Variants in GAREM1 observed in about 807,000 individuals in gnomAD.
GAREM1 encodes GRB2-associated and regulator of MAPK protein 1.
In GAREM1, 26 loss-of-function variants were observed where a neutral mutation model predicts 71.3. The observed-to-expected ratio is 0.36, with a 90% CI of 0.27 to 0.51. The LOEUF (loss-of-function observed/expected upper bound fraction) is 0.51, where lower values mean the gene tolerates loss of function less well. Ranked by LOEUF, GAREM1 falls within the 20% of genes least tolerant of loss-of-function variation. The pLI, the probability that GAREM1 is intolerant of heterozygous loss-of-function variation, is 0.95. For synonymous variants in GAREM1, 440 were observed against 433.2 expected, an observed-to-expected ratio of 1.02 and a Z score of -0.20; for missense variants, 1,026 against 1,103.1, an observed-to-expected ratio of 0.93 and a Z score of 0.99.
intron 2 of GAREM1, among the ~76,000 whole-genome samples, chr18:32,354,663 C>T (rs903627872): frequency 1.3e-5 from 2 of 152,216 alleles, no homozygotes; most frequent in Admixed American, 6.5e-5. Flanking sequence ...GTGGGGTCAA[C>T]TCCCTCCACT....
intron 1 of GAREM1, among the ~76,000 whole-genome samples, chr18:32,404,790 T>C (rs1052929488): frequency 6.6e-6 from 1 of 152,236 alleles, no homozygotes; most frequent in Admixed American, 6.5e-5. Context: ...AAGCCTTGTC[T>C]ATAGTGGACA....
At chr18:32,398,882 C>A (rs575406645) in intron 1 of GAREM1, among the ~76,000 whole-genome samples, 2 of 152,172 alleles carry the variant, frequency 1.3e-5, no homozygotes, top group East Asian at 3.8e-4. Flanking sequence ...AATTTTAGAC[C>A]AATATCCTGA....
At chr18:32,290,086 AATATT>A (rs1031844682) in intron 3 of GAREM1, among the ~76,000 whole-genome samples, 2 of 151,670 alleles carry the variant, frequency 1.3e-5, no homozygotes, top group East Asian at 1.9e-4. Flanking sequence ...ACTGTATACT[AATATT>A]ATATACTTTT....
At chr18:32,343,430 T>C (rs554101584) in intron 2 of GAREM1, among the ~76,000 whole-genome samples, 4 of 149,516 alleles carry the variant, frequency 2.7e-5, no homozygotes, top group Non-Finnish European at 5.9e-5. Context: ...TTCTCCTGCC[T>C]CAGCCTCCAG....
intron 3 of GAREM1, among the ~76,000 whole-genome samples, chr18:32,291,000 C>T (rs1010549795): frequency 6.6e-6 from 1 of 152,158 alleles, no homozygotes; most frequent in African/African-American, 2.4e-5. Context: ...ACCCTGAAGA[C>T]ATTCCTCCAA....
intron 3 of GAREM1, among the ~76,000 whole-genome samples, chr18:32,307,427 AT>A (rs935655848): frequency 3.3e-5 from 5 of 151,982 alleles, no homozygotes; most frequent in African/African-American, 1.2e-4. Context: ...ATTGTTTTTA[AT>A]TTTTTCCCAC....
chr18:32,401,271 C>T (rs940320209), intron 1 of GAREM1, among the ~76,000 whole-genome samples: 1 of 151,916 alleles, frequency 6.6e-6, no homozygotes, highest in African/African-American at 2.4e-5. Context: ...CACATGTATA[C>T]ATATGTAACA....
chr18:32,399,240 C>G (rs1217785241), intron 1 of GAREM1, among the ~76,000 whole-genome samples: 1 of 152,152 alleles, frequency 6.6e-6, no homozygotes, highest in Non-Finnish European at 1.5e-5. Context: ...AAACTGGAAG[C>G]ATTCCCTTTG....
intron 2 of GAREM1, among the ~76,000 whole-genome samples, chr18:32,392,181 G>T (rs1467636606): frequency 6.6e-6 from 1 of 151,092 alleles, no homozygotes; most frequent in Non-Finnish European, 1.5e-5. Context: ...ATAAGTGCCG[G>T]AAAAAGCATA....
chr18:32,419,259 GC>G (rs2048497306), intron 1 of GAREM1, among the ~76,000 whole-genome samples: 1 of 152,116 alleles, frequency 6.6e-6, no homozygotes, highest in South Asian at 2.1e-4. Context: ...CATTCAAAGG[GC>G]TTGCCTGATT....
intron 4 of GAREM1, among the ~76,000 whole-genome samples, chr18:32,281,816 G>C (rs895602922): frequency 1.3e-5 from 2 of 152,180 alleles, no homozygotes; most frequent in Non-Finnish European, 2.9e-5. Context: ...CGCATCCCCT[G>C]TGACTTGCAC....
At chr18:32,393,228 T>C (rs1165782165) in intron 1 of GAREM1, among the ~76,000 whole-genome samples, 193 bp from the exon 2 acceptor site, 5 of 151,838 alleles carry the variant, frequency 3.3e-5, no homozygotes, top group Non-Finnish European at 7.4e-5. Context: ...AGCTGACAAC[T>C]GTACATAGAA....
chr18:32,300,906 C>CAAAAAAAAA (rs764891353), intron 3 of GAREM1, among the ~76,000 whole-genome samples: 7 of 83,324 alleles, frequency 8.4e-5, no homozygotes, highest in Non-Finnish European at 1.0e-4. Context: ...AACTCCGTCT[C>CAAAAAAAAA]AAAAAAAAAA....
chr18:32,384,459 T>C (rs2048126246), intron 2 of GAREM1, among the ~76,000 whole-genome samples: 1 of 152,164 alleles, frequency 6.6e-6, no homozygotes, highest in Non-Finnish European at 1.5e-5. Flanking sequence ...GCTGAGTCAA[T>C]TTTTTCCTTT....
chr18:32,443,854 A>G (rs2048763950), intron 1 of GAREM1, among the ~76,000 whole-genome samples: 1 of 152,196 alleles, frequency 6.6e-6, no homozygotes. Context: ...AACAGCCCAA[A>G]GTGGAAACAA....
intron 2 of GAREM1, among the ~76,000 whole-genome samples, chr18:32,342,507 C>T (rs987274359): frequency 6.6e-6 from 1 of 152,188 alleles, no homozygotes; most frequent in Non-Finnish European, 1.5e-5. Context: ...TATGGGATAG[C>T]TAAGAAAGGC....
intron 1 of GAREM1, among the ~76,000 whole-genome samples, chr18:32,465,711 C>T (rs975570259): frequency 2.6e-5 from 4 of 152,194 alleles, no homozygotes; most frequent in African/African-American, 9.6e-5. Flanking sequence ...AAAGCTAACA[C>T]TTCCCAAGGG....
chr18:32,377,031 T>C (rs1415918815), intron 2 of GAREM1, among the ~76,000 whole-genome samples: 1 of 152,184 alleles, frequency 6.6e-6, no homozygotes, highest in Non-Finnish European at 1.5e-5. Flanking sequence ...ATAAGTATTA[T>C]TATCCTAATT....
intron 2 of GAREM1, among the ~76,000 whole-genome samples, chr18:32,329,223 C>G (rs1161014501): frequency 6.6e-6 from 1 of 151,898 alleles, no homozygotes; most frequent in African/African-American, 2.4e-5. Context: ...CAACATCAAC[C>G]AAATCAGTCA....
Sources: allele counts gnomAD v4.1 joint callset (sites outside exome capture counted in the v4.1 genomes callset), GRCh38; gene constraint gnomAD v4.1.1; transcripts MANE v1.5; gene names NCBI Gene and HGNC (gene_info 2026-07-23, HGNC 2026-07-21).